DNAJB6: variants seen among roughly 807,000 people sequenced by gnomAD.
DNAJB6 encodes DnaJ heat shock protein family (Hsp40) member B6, also known as dnaJ homolog subfamily B member 6.
Under a neutral mutation model 42.7 loss-of-function variants are expected in DNAJB6, and 16 were observed. The ratio of observed to expected loss-of-function variants is 0.37; its 90% CI spans 0.25 to 0.57. DNAJB6 has a LOEUF of 0.57. Among genes scored for constraint, DNAJB6 ranks in the 20% least tolerant of loss-of-function variants. The pLI, the probability that DNAJB6 is intolerant of heterozygous loss-of-function variation, is 0.74. For synonymous variants in DNAJB6, 170 were observed against 163.5 expected, an observed-to-expected ratio of 1.04 and a Z score of -0.30; for missense variants, 347 against 416.8, an observed-to-expected ratio of 0.83 and a Z score of 1.46.
At chr7:157,341,436 T>C (rs1057270000) in intron 1 of DNAJB6, among the ~76,000 whole-genome samples, 2 of 152,198 alleles carry the variant, frequency 1.3e-5, no homozygotes, top group Admixed American at 1.3e-4. Context: ...ATTTTAGAAT[T>C]CTTAAGCTGT....
At chr7:157,388,068 A>G (rs1801160045) in intron 8 of DNAJB6, among the ~76,000 whole-genome samples, 1 of 151,926 alleles carries the variant, frequency 6.6e-6, no homozygotes, top group Admixed American at 6.6e-5. Flanking sequence ...CTGGTCTGGA[A>G]CTCTTGACTT....
In DNAJB6 at chr7:157,401,927, G is replaced by A. The variant is rs548641322; in HGVS notation, c.692-7868G>A. On this transcript the variant is annotated intron_variant, in intron 8 of 9. Transcript: ENST00000262177. ...GCAGAGGCCGGCTCTTCCTGGATGT[G>A]GGCCCTCTCAGGATGGTTGCAAGCC... is the stretch of plus-strand genomic sequence containing the variant. Among the ~76,000 whole-genome samples, 61 of 152,234 alleles carry A rather than the reference G, an allele frequency of 4.0e-4. 1 individual carries two copies. Among genetic ancestry groups the A allele is most frequent in the Admixed American group, 3.3e-3 (51 of 15,290 alleles).
At chr7:157,412,059 G>A (rs1170582553) in intron 9 of DNAJB6, 1 of 152,140 alleles carries the variant, frequency 6.6e-6, no homozygotes, top group Non-Finnish European at 1.5e-5. Flanking sequence ...ATGAGATCTT[G>A]AAGATACCAA....
intron 5 of DNAJB6, among the ~76,000 whole-genome samples, chr7:157,369,719 C>G (rs1404600603): frequency 7.0e-6 from 1 of 143,802 alleles, no homozygotes; most frequent in Non-Finnish European, 1.5e-5. Flanking sequence ...TTAAACGGGC[C>G]CCTTCTTCAC....
intron 2 of DNAJB6, among the ~76,000 whole-genome samples, chr7:157,362,566 G>A (rs1407347550): frequency 6.6e-6 from 1 of 152,026 alleles, no homozygotes; most frequent in Non-Finnish European, 1.5e-5. Flanking sequence ...TAGCGTTGGG[G>A]TTTCTCCATG....
intron 3 of DNAJB6, among the ~76,000 whole-genome samples, chr7:157,364,665 GC>G (rs1285916097): frequency 3.3e-5 from 5 of 152,246 alleles, no homozygotes; most frequent in Admixed American, 1.3e-4. Context: ...ATTCAGTATT[GC>G]CAGATTCAGG....
chr7:157,347,970 A>G (rs959183576), intron 1 of DNAJB6, among the ~76,000 whole-genome samples: 1 of 146,424 alleles, frequency 6.8e-6, no homozygotes, highest in East Asian at 2.0e-4. Context: ...TAATTTTTGT[A>G]TTTTTAGTAG....
At chr7:157,378,727 T>C (rs1349813311) in intron 5 of DNAJB6, 1 of 152,160 alleles carries the variant, frequency 6.6e-6, no homozygotes, top group African/African-American at 2.4e-5. Context: ...TTTTTTATAA[T>C]AAAAATATTG....
chr7:157,374,745 T>A (rs1800387839), intron 5 of DNAJB6, among the ~76,000 whole-genome samples: 1 of 152,192 alleles, frequency 6.6e-6, no homozygotes, highest in Non-Finnish European at 1.5e-5. Flanking sequence ...TTTTCTGTGC[T>A]GTGAGAACTG....
intron 8 of DNAJB6, among the ~76,000 whole-genome samples, chr7:157,407,477 G>A (rs1207226085): frequency 6.6e-6 from 1 of 152,194 alleles, no homozygotes; most frequent in South Asian, 2.1e-4. Flanking sequence ...AAGTCATGGC[G>A]GAGTATTGGG....
intron 8 of DNAJB6, among the ~76,000 whole-genome samples, chr7:157,400,321 G>T (rs1200274940): frequency 1.4e-4 from 21 of 151,332 alleles, no homozygotes; most frequent in African/African-American, 4.7e-4. Context: ...ACGTAGGGAG[G>T]TCTGAGCATG....
At chr7:157,351,780 A>G (rs1798991893) in intron 1 of DNAJB6, among the ~76,000 whole-genome samples, 1 of 152,150 alleles carries the variant, frequency 6.6e-6, no homozygotes, top group African/African-American at 2.4e-5. Context: ...CCTGGCCAAC[A>G]TGGTGAAACC....
intron 8 of DNAJB6, among the ~76,000 whole-genome samples, chr7:157,405,249 G>A (rs912586796): frequency 6.6e-6 from 1 of 152,226 alleles, no homozygotes; most frequent in Non-Finnish European, 1.5e-5. Context: ...GGATGTTCGA[G>A]AGAATGTCCT....
At chr7:157,351,852 G>A (rs1257656504) in intron 1 of DNAJB6, among the ~76,000 whole-genome samples, 2 of 151,784 alleles carry the variant, frequency 1.3e-5, no homozygotes, top group Non-Finnish European at 2.9e-5. Context: ...AAATTAGTCG[G>A]TGTGGTGGCA....
chr7:157,391,198 C>G (rs928692913), intron 8 of DNAJB6, among the ~76,000 whole-genome samples: 1 of 152,156 alleles, frequency 6.6e-6, no homozygotes, highest in African/African-American at 2.4e-5. Context: ...AGCAGAAGCT[C>G]GGGGTGTGGT....
intron 8 of DNAJB6, among the ~76,000 whole-genome samples, chr7:157,401,795 T>C (rs970238392): frequency 6.6e-6 from 1 of 152,150 alleles, no homozygotes; most frequent in Admixed American, 6.5e-5. Context: ...GCGGTGTGAG[T>C]GTGCCCTGAC....
At chr7:157,362,470 GTTCCAGTGATT>G (rs758055648) in intron 2 of DNAJB6, among the ~76,000 whole-genome samples, 9 of 151,940 alleles carry the variant, frequency 5.9e-5, no homozygotes, top group Admixed American at 1.3e-4. Flanking sequence ...TGCCTCCCAG[GTTCCAGTGATT>G]CTCCTGCCGC....
chr7:157,366,439 T>C, intron 3 of DNAJB6, 63 bp from the exon 4 acceptor site: 1 of 1,425,742 alleles, frequency 7.0e-7, no homozygotes, highest in East Asian at 2.3e-5. Flanking sequence ...GGGAAATACC[T>C]TATCTATTGA....
chr7:157,364,363 G>T (rs960990854), intron 3 of DNAJB6, among the ~76,000 whole-genome samples: 1 of 152,158 alleles, frequency 6.6e-6, no homozygotes, highest in Admixed American at 6.5e-5. Context: ...CAAAAAATAT[G>T]AAAAGACATA....
Sources: gnomAD v4.1 joint callset for allele counts (sites outside exome capture counted in the v4.1 genomes callset) on GRCh38, gnomAD v4.1.1 for gene constraint, MANE v1.5 for transcripts, NCBI Gene and HGNC (gene_info 2026-07-23, HGNC 2026-07-21) for gene names.